The following UBE3C variants were observed in gnomAD, a reference collection of about 807,000 sequenced individuals.
UBE3C encodes the protein ubiquitin-protein ligase E3C.
Under a neutral mutation model 129.4 loss-of-function variants are expected in UBE3C, and 42 were observed. That is an observed-to-expected ratio of 0.32 (90% CI 0.25 to 0.42). UBE3C has a LOEUF of 0.42. Ranked by LOEUF, UBE3C falls within the 10% of genes least tolerant of loss-of-function variation. The probability of loss-of-function intolerance (pLI) is 1.00; values close to 1 mark genes in which losing one functional copy is unlikely to be tolerated. For synonymous variants in UBE3C, 510 were observed against 492.4 expected (o/e 1.04, Z -0.47); for missense variants, 1,049 against 1,319.1 (o/e 0.80, Z 3.17).
intron 2 of UBE3C, among the ~76,000 whole-genome samples, chr7:157,165,891 A>G (rs1808199581): frequency 6.6e-6 from 1 of 151,928 alleles, no homozygotes; most frequent in Non-Finnish European, 1.5e-5. Context: ...TGTCTTCTTG[A>G]TTTTTAATCT....
chr7:157,207,575 A>G lies in UBE3C; in HGVS notation c.1576+20A>G. ...TAGAAGGTAAGGATTTTGAGAAACCAGTTTGCTGCTGGCCACTTGGCCCAT... is the reference window on the plus strand; with the variant it reads ...TAGAAGGTAAGGATTTTGAGAAACCGGTTTGCTGCTGGCCACTTGGCCCAT... On this transcript the variant is annotated intron_variant, in intron 12 of 22. Transcript: ENST00000348165. The G allele has an allele frequency of 6.2e-7, 1 of 1,605,286 alleles. No homozygotes were observed. The highest frequency in any genetic ancestry group is 1.7e-4 in the Middle Eastern group (1 of 6,020).
chr7:157,253,033 G>A (rs2116691505), intron 19 of UBE3C, among the ~76,000 whole-genome samples: 1 of 152,040 alleles, frequency 6.6e-6, no homozygotes, highest in Non-Finnish European at 1.5e-5. Context: ...TACCCGGCCT[G>A]TTTTTTTGGT....
intron 5 of UBE3C, among the ~76,000 whole-genome samples, chr7:157,176,811 G>A (rs572263883): frequency 6.6e-6 from 1 of 152,046 alleles, no homozygotes. Context: ...CTCTGCCCCA[G>A]GCCTGGGGCT....
intron 14 of UBE3C, among the ~76,000 whole-genome samples, chr7:157,218,632 T>A (rs1221904721): frequency 6.6e-6 from 1 of 152,164 alleles, no homozygotes; most frequent in Admixed American, 6.5e-5. Flanking sequence ...AGTGAACAGT[T>A]CTGGGGCCCA....
chr7:157,167,668 C>T (rs1808254971), intron 2 of UBE3C, among the ~76,000 whole-genome samples: 1 of 151,994 alleles, frequency 6.6e-6, no homozygotes, highest in Non-Finnish European at 1.5e-5. Context: ...CTCCTGGTAG[C>T]TGGGACTATA....
rs566071418 is a variant in UBE3C, at chr7:157,170,195, G to A, written c.196-109G>A. 6.1e-5 allele frequency: 62 copies of A among 1,012,320 alleles called. No individual in the cohort carries two copies. The Middle Eastern group carries it at 9.0e-4, about 15-fold the overall frequency. The allele number at this position is 1,012,320 out of a possible 1,614,324, so 62.7% of individuals were successfully genotyped here. On this transcript the variant is annotated intron_variant, in intron 3 of 22. Coordinates refer to ENST00000348165, the MANE Select transcript of UBE3C (RefSeq NM_014671.3). ...AGCAAGGACCGATAATGGTGTTTTC[G>A]TTGTCAATTTCCACCATTCCTGTAA...
intron 8 of UBE3C, 24 bp from the exon 9 acceptor site, chr7:157,183,854 G>A (rs750846760): frequency 8.1e-6 from 13 of 1,605,154 alleles, no homozygotes; most frequent in East Asian, 2.2e-5. Context: ...ACTAAAATAC[G>A]TTTTAACTGA....
chr7:157,262,582 C>T (rs1167552618), intron 22 of UBE3C, among the ~76,000 whole-genome samples: 5 of 151,848 alleles, frequency 3.3e-5, no homozygotes, highest in Non-Finnish European at 7.4e-5. Context: ...CCACCCCCAG[C>T]TAATTTTTTT....
At chr7:157,228,372 T>G (rs3802108) in intron 17 of UBE3C, among the ~76,000 whole-genome samples, 27,873 of 152,174 alleles carry the variant, frequency 0.18, 2,735 homozygotes, top group East Asian at 0.36. Flanking sequence ...ATGGGATTGC[T>G]GTAAGAATTG....
rs1487895435 is a variant in UBE3C at position 157,188,950 on chromosome 7, G to A, written c.1331+1929G>A. On this transcript the variant is annotated intron_variant, in intron 10 of 22. Coordinates refer to ENST00000348165, the MANE Select transcript of UBE3C (RefSeq NM_014671.3). ...TTTCTGTTTAACACTGATTGTCAGGGTGTACAAATGAATGTGGAGACCTTT... is the reference window on the plus strand; with the variant it reads ...TTTCTGTTTAACACTGATTGTCAGGATGTACAAATGAATGTGGAGACCTTT... 5 of 675,470 alleles carry A rather than the reference G, an allele frequency of 7.4e-6. No individual in the cohort carries two copies. In the East Asian group the frequency reaches 7.5e-5, roughly 10 times the overall value. The allele number at this position is 675,470 out of a possible 1,614,324, so 41.8% of individuals were successfully genotyped here. A position where few individuals can be genotyped will look rare whatever the true frequency, so the allele number is the denominator to read the frequency against.
intron 11 of UBE3C, among the ~76,000 whole-genome samples, chr7:157,207,127 G>C (rs1586688388): frequency 6.6e-6 from 1 of 152,206 alleles, no homozygotes; most frequent in East Asian, 1.9e-4. Context: ...GGAACGACTG[G>C]CTTACTCTTA....
intron 1 of UBE3C, among the ~76,000 whole-genome samples, chr7:157,146,857 G>A (rs1339181091): frequency 6.6e-6 from 1 of 152,072 alleles, no homozygotes; most frequent in Non-Finnish European, 1.5e-5. Context: ...CACCATGTTG[G>A]CCAGGCTGGT....
intron 18 of UBE3C, among the ~76,000 whole-genome samples, chr7:157,241,115 G>A (rs915465344): frequency 1.2e-4 from 19 of 152,110 alleles, no homozygotes; most frequent in African/African-American, 4.6e-4. Flanking sequence ...GTGCCCGGTG[G>A]TTCAAGGGTG....
At chr7:157,256,794 A>C in intron 21 of UBE3C, 120 bp from the exon 22 acceptor site, 1 of 1,346,380 alleles carries the variant, frequency 7.4e-7, no homozygotes, top group Non-Finnish European at 1.0e-6. Context: ...ACGCCGTTTT[A>C]GAGAAGGGAC....
At chr7:157,202,394 C>T (rs1456575417) in intron 11 of UBE3C, among the ~76,000 whole-genome samples, 4 of 152,200 alleles carry the variant, frequency 2.6e-5, no homozygotes, top group East Asian at 1.9e-4. Context: ...CGGTGGCTCA[C>T]GCCTGTAATT....
chr7:157,258,831 A>G (rs1313584506), intron 22 of UBE3C, among the ~76,000 whole-genome samples: 1 of 152,236 alleles, frequency 6.6e-6, no homozygotes, highest in African/African-American at 2.4e-5. Context: ...TTTTAAATGT[A>G]TAGAAAAGTT....
At chr7:157,184,097 G>C (rs1349272361) in intron 9 of UBE3C, 68 bp downstream of exon 9, 1 of 1,573,698 alleles carries the variant, frequency 6.4e-7, no homozygotes, top group Non-Finnish European at 8.6e-7. Flanking sequence ...CTAGCTTTCT[G>C]TCCACCCGTA....
At chr7:157,211,834 G>T (rs1301299575) in intron 13 of UBE3C, among the ~76,000 whole-genome samples, 1 of 152,148 alleles carries the variant, frequency 6.6e-6, no homozygotes, top group East Asian at 1.9e-4. Flanking sequence ...GCCTGTTCCT[G>T]CAGTATCACC....
chr7:157,202,884 C>A (rs1243890351), intron 11 of UBE3C, among the ~76,000 whole-genome samples: 1 of 151,938 alleles, frequency 6.6e-6, no homozygotes, highest in Admixed American at 6.6e-5. Context: ...AGAAAGTGGT[C>A]TTGTTTTCTT....
Sources: gnomAD v4.1 joint callset for allele counts (sites outside exome capture counted in the v4.1 genomes callset) on GRCh38, gnomAD v4.1.1 for gene constraint, MANE v1.5 for transcripts, NCBI Gene and HGNC (gene_info 2026-07-23, HGNC 2026-07-21) for gene names.